The following CMYA5 variants were observed in gnomAD, a reference collection of about 807,000 sequenced individuals.
CMYA5 encodes cardiomyopathy-associated protein 5.
In CMYA5, 246 loss-of-function variants were observed where a neutral mutation model predicts 318.9. That is an observed-to-expected ratio of 0.77 (90% CI 0.70 to 0.86). The LOEUF is 0.86. CMYA5 is among the 40% of genes least tolerant of loss of function. CMYA5 has a pLI of 0.00. For missense variants in CMYA5, 4,589 were observed against 4,678.2 expected, an observed-to-expected ratio of 0.98 and a Z score of 0.56; for synonymous variants, 1,641 against 1,729.5, an observed-to-expected ratio of 0.95 and a Z score of 1.27.
At chr5:79,716,329 T>G (rs1458197787) in intron 1 of CMYA5, among the ~76,000 whole-genome samples, 2 of 152,252 alleles carry the variant, frequency 1.3e-5, no homozygotes, top group East Asian at 3.8e-4. Flanking sequence ...TGATTTCTAC[T>G]ACTGAATCTC....
intron 11 of CMYA5, 114 bp downstream of exon 11, chr5:79,791,183 G>A: frequency 1.5e-6 from 1 of 679,182 alleles, no homozygotes; most frequent in South Asian, 1.8e-5. Context: ...AACATGTCGG[G>A]ATGTGGTCTC....
intron 5 of CMYA5, among the ~76,000 whole-genome samples, chr5:79,747,494 G>A (rs1003037564): frequency 6.6e-6 from 1 of 152,194 alleles, no homozygotes; most frequent in African/African-American, 2.4e-5. Flanking sequence ...TATGATTTAT[G>A]TAATTTTAAT....
intron 11 of CMYA5, 22 bp from the exon 12 acceptor site, chr5:79,793,415 C>G: frequency 6.2e-7 from 1 of 1,603,472 alleles, no homozygotes; most frequent in Non-Finnish European, 8.5e-7. Flanking sequence ...ACTGAGCATA[C>G]TCTGATTGAC....
chr5:79,763,140 C>T lies in CMYA5; in HGVS notation c.11486C>T (p.Thr3829Ile), dbSNP rs1048032817. ...GCCACTATCCGATGGCGGCCCACCACCCCAGAGGCCACGGAGACCTACACT... is the reference window on the plus strand; with the variant it reads ...GCCACTATCCGATGGCGGCCCACCATCCCAGAGGCCACGGAGACCTACACT... ...NTATIRWRPT[T>I]PEATETYTLE... The change falls in exon 9 of 13, where the codon ACC (threonine) becomes ATC (isoleucine). Residue 3829 changes from threonine (T) to isoleucine (I), a missense_variant. Physicochemically the swap from Thr to Ile is moderately conservative, Grantham distance 89 (BLOSUM62 -1). Around this residue, in one of 3 missense-constraint regions of CMYA5, gnomAD observed 2,431 missense variants for 2,495.1 expected, o/e 0.97. Transcript: ENST00000446378. 1.8e-5 allele frequency: 28 copies of T among 1,591,262 alleles called. No homozygotes were observed. The highest frequency in any genetic ancestry group is 2.4e-5 in the Non-Finnish European group (28 of 1,169,948).
rs1827812587 is a variant in CMYA5 at position 79,729,103 on chromosome 5, CTG to C, written c.341_342del (p.Val114GlufsTer13). On this transcript the variant is annotated frameshift_variant, in exon 2 of 13. Transcript: ENST00000446378. LOFTEE classifies it high-confidence loss of function. The stretch of plus-strand genomic sequence containing the variant: ...GGTGTGTGTAGTCGGGAAGGGTCAA[CTG>C]TGAATTCTCCTCCTGGAAATGTTTC... 6.2e-7 allele frequency: 1 copy of C among 1,613,498 alleles called. No homozygotes were observed.
At chr5:79,745,687 C>G (rs1828309639) in intron 4 of CMYA5, among the ~76,000 whole-genome samples, 1 of 152,176 alleles carries the variant, frequency 6.6e-6, no homozygotes, top group African/African-American at 2.4e-5. Flanking sequence ...AAAGAGACAG[C>G]CTGCAGCATC....
Position 79,689,931 on chromosome 5 carries a change from C to T in CMYA5, c.24C>T (p.His8=), listed in dbSNP as rs1826918450. Residue 8 remains histidine (H), a synonymous_variant, in exon 1 of 13, where the codon CAC becomes CAT. Coordinates refer to ENST00000446378, the MANE Select transcript of CMYA5 (RefSeq NM_153610.5). The part of the protein sequence containing the change: MASRDSN[H]AGESFLGSDG... Reference sequence around the variant, plus strand: ...CGATGGCGAGCCGCGATAGCAACCACGCTGGCGAGAGCTTTCTCGGCTCCG... The same window carrying T: ...CGATGGCGAGCCGCGATAGCAACCATGCTGGCGAGAGCTTTCTCGGCTCCG... 8 of 968,716 alleles carry T rather than the reference C, an allele frequency of 8.3e-6. No homozygotes were observed. Among genetic ancestry groups the T allele is most frequent in the Admixed American group, 6.0e-5 (3 of 49,784 alleles). 60.0% of individuals were successfully genotyped at this position (968,716 alleles called of 1,614,324 possible).
rs1337475376 is a variant in CMYA5, at chr5:79,737,033, T to A, written c.8268T>A (p.Asp2756Glu). The A allele has an allele frequency of 3.1e-6, 5 of 1,613,536 alleles. No homozygotes were observed. The East Asian group carries it at 1.1e-4, about 36-fold the overall frequency. ...VLEKSSRDMP[D>E]HSEEKEQFKE... ...AAAAGTCAAGCAGAGATATGCCAGA[T>A]CACAGTGAAGAAAAAGAACAGTTCA... The change falls in exon 2 of 13, where the codon GAT (aspartate) becomes GAA (glutamate). Residue 2756 changes from aspartate to glutamate, a missense_variant. Asp to Glu is a conservative substitution (Grantham distance 45, BLOSUM62 2). This residue lies in a region of CMYA5 where 2,431 missense variants were observed against 2,495.1 expected (regional missense o/e 0.97). Coordinates refer to ENST00000446378, the MANE Select transcript of CMYA5 (RefSeq NM_153610.5).
chr5:79,773,130 G>C (rs985101111), intron 9 of CMYA5, among the ~76,000 whole-genome samples: 2 of 152,188 alleles, frequency 1.3e-5, no homozygotes. Context: ...TCACTCCTTT[G>C]TTGGTTCCAT....
At position 79,752,747 on chromosome 5, in the gene CMYA5, A is replaced by G. The variant is rs755101656; in HGVS notation, c.11063A>G (p.Tyr3688Cys). 3.0e-5 allele frequency: 48 copies of G among 1,613,646 alleles called. No homozygotes were observed. The highest frequency in any genetic ancestry group is 1.2e-4 in the Admixed American group (7 of 60,004). Residue 3688 changes from tyrosine to cysteine, a missense_variant, in exon 6 of 13, where the codon TAT (tyrosine) becomes TGT (cysteine). Tyr to Cys is a radical substitution (Grantham distance 194). Transcript: ENST00000446378. ...GCTGCGTTTTCCCTTTTCGAACATT[A>G]TGATGACAGCTCGGCAAGAAGTGAC... ...MPAAFSLFEHYDDSSARSDQM... is the reference protein window; with the variant it reads ...MPAAFSLFEHCDDSSARSDQM...
chr5:79,715,695 A>G (rs1325261925), intron 1 of CMYA5, among the ~76,000 whole-genome samples: 3 of 152,226 alleles, frequency 2.0e-5, no homozygotes, highest in Non-Finnish European at 4.4e-5. Flanking sequence ...TAACAGAAGC[A>G]GCTGTAGAGC....
In CMYA5 at chr5:79,729,503, A is replaced by G. The variant is rs536694186; in HGVS notation, c.738A>G (p.Gly246=). 1 of 1,610,738 alleles carries G rather than the reference A, an allele frequency of 6.2e-7. No homozygotes were observed. The highest frequency in any genetic ancestry group is 2.2e-5 in the East Asian group (1 of 44,862). ...KEELIPLQFY[G]TLPKGYVIKE... ...AATTAATTCCTCTACAATTTTATGG[A>G]ACATTGCCAAAGGGTTATGTAATTA... The change falls in exon 2 of 13, where the codon GGA becomes GGG. Residue 246 remains glycine, a synonymous_variant. Transcript: ENST00000446378.
intron 5 of CMYA5, among the ~76,000 whole-genome samples, chr5:79,750,056 A>G (rs7734772): frequency 0.063 from 9,612 of 151,990 alleles, 668 homozygotes; most frequent in African/African-American, 0.17. Flanking sequence ...TAAACCTTGA[A>G]TAACGCCATG....
chr5:79,748,491 AG>A (rs1828369337), intron 5 of CMYA5, among the ~76,000 whole-genome samples: 1 of 149,758 alleles, frequency 6.7e-6, no homozygotes, highest in Admixed American at 6.7e-5. Context: ...CCTTATTCCG[AG>A]TTCCCTATCT....
intron 1 of CMYA5, among the ~76,000 whole-genome samples, chr5:79,701,662 C>G (rs1196393073): frequency 6.6e-6 from 1 of 152,154 alleles, no homozygotes; most frequent in African/African-American, 2.4e-5. Flanking sequence ...CTGGCAGTTT[C>G]TCAAACAGTT....
At position 79,717,300 on chromosome 5, in the gene CMYA5, A is replaced by G. The variant is rs116701969; in HGVS notation, c.150-11615A>G. On this transcript the variant is annotated intron_variant, in intron 1 of 12. Transcript: ENST00000446378. Reference sequence around the variant, plus strand: ...AAGGTGAATGCTTTAGAAAGACTTTATAAGGAGAGCCACCAAAAGAAACAC... The same window carrying G: ...AAGGTGAATGCTTTAGAAAGACTTTGTAAGGAGAGCCACCAAAAGAAACAC... Among the ~76,000 whole-genome samples the G allele has an allele frequency of 6.9e-3, 1,047 of 152,358 alleles. 9 individuals carry two copies. The highest frequency in any genetic ancestry group is 0.023 in the African/African-American group (964 of 41,584).
At position 79,737,935 on chromosome 5, in the gene CMYA5, C is replaced by T. The variant is rs367995929; in HGVS notation, c.9170C>T (p.Thr3057Ile). ...GAAGAGGATTATTTTGAAAAATATA[C>T]TTTGATTGATTATAACATCTCCCCA... ...PSEEDYFEKY[T>I]LIDYNISPDP... The change falls in exon 2 of 13, where the codon ACT becomes ATT. Residue 3057 changes from threonine to isoleucine, a missense_variant. Physicochemically the swap from Thr to Ile is moderately conservative, Grantham distance 89. Transcript: ENST00000446378. The T allele has an allele frequency of 2.3e-5, 37 of 1,607,612 alleles. No individual in the cohort carries two copies. Among genetic ancestry groups the T allele is most frequent in the Admixed American group, 8.5e-5 (5 of 58,528 alleles).
At chr5:79,739,874 T>C (rs552300774) in intron 2 of CMYA5, among the ~76,000 whole-genome samples, 1 of 151,940 alleles carries the variant, frequency 6.6e-6, no homozygotes. Context: ...TTTAAGTTAC[T>C]TGGGGGGCTG....
chr5:79,786,725 A>G (rs140012968), intron 9 of CMYA5, among the ~76,000 whole-genome samples: 1 of 152,334 alleles, frequency 6.6e-6, no homozygotes, highest in East Asian at 1.9e-4. Context: ...TGACATGAAG[A>G]CTTTGGTGAC....
Sources: gnomAD v4.1 joint callset for allele counts (sites outside exome capture counted in the v4.1 genomes callset) on GRCh38, gnomAD v4.1.1 for gene constraint, gnomAD v4.1.1 regional missense constraint, MANE v1.5 for transcripts, NCBI Gene and HGNC (gene_info 2026-07-23, HGNC 2026-07-21) for gene names.